Variants in BSG observed in about 807,000 individuals in gnomAD.
The protein encoded by BSG is basigin (Ok blood group), also known as basigin.
In BSG, 37 loss-of-function variants were observed where a neutral mutation model predicts 43.1. The observed-to-expected ratio is 0.86, with a 90% CI of 0.66 to 1.13. BSG has a LOEUF of 1.13. Ranked by LOEUF, BSG falls within the 50% of genes most tolerant of loss-of-function variation. The probability of loss-of-function intolerance (pLI) is 0.00; values close to 1 mark genes in which losing one functional copy is unlikely to be tolerated. For missense variants in BSG, 599 were observed against 554.2 expected, an observed-to-expected ratio of 1.08 and a Z score of -0.81; for synonymous variants, 309 against 238.7, an observed-to-expected ratio of 1.29 and a Z score of -2.72.
chr19:571,731 T>A (rs1981254980), upstream of BSG: 1 of 683,120 alleles, frequency 1.5e-6, no homozygotes, highest in African/African-American at 1.8e-5. Flanking sequence ...TGGGATGCAA[T>A]CTCCAGAGCA....
rs1445031900 is a variant in BSG, at chr19:580,461, G to A, written c.655G>A (p.Gly219Arg). Residue 219 changes from glycine to arginine, a missense_variant and splice_region_variant, in exon 4 of 9, where the codon GGG (glycine) becomes AGG (arginine). Gly to Arg is a moderately radical substitution (Grantham distance 125, BLOSUM62 -2). Coordinates refer to ENST00000333511, the MANE Select transcript of BSG (RefSeq NM_001728.4). ...GGGCACGGCCAACATCCAGCTCCAC[G>A]GTGAGTCCTGCAGCCAGGGGTACCG... ...PMGTANIQLHGPPRVKAVKSS... is the reference protein window; with the variant it reads ...PMGTANIQLHRPPRVKAVKSS... 21 of 1,610,210 alleles carry A rather than the reference G, an allele frequency of 1.3e-5. No individual in the cohort carries two copies. Among genetic ancestry groups the A allele is most frequent in the Admixed American group, 8.3e-5 (5 of 59,982 alleles).
chr19:581,404 C>A lies in BSG; in HGVS notation c.882C>A (p.Ala294=). The A allele has an allele frequency of 6.2e-7, 1 of 1,612,796 alleles. No homozygotes were observed. Among genetic ancestry groups the A allele is most frequent in the South Asian group, 1.1e-5 (1 of 91,088 alleles). ...ACATTGAGAACCTGAACATGGAGGC[C>A]GACCCCGGCCAGTACCGGTGCAACG... ...ELHIENLNME[A]DPGQYRCNGT... is the part of the protein sequence containing the mutation. The change falls in exon 6 of 9, where the codon GCC becomes GCA. Residue 294 remains alanine (A), a synonymous_variant. Coordinates refer to ENST00000333511, the MANE Select transcript of BSG (RefSeq NM_001728.4).
Position 580,746 on chromosome 19 carries a change from C to CA in BSG, c.756_757insA (p.Trp253MetfsTer8), listed in dbSNP as rs1982222966. On this transcript the variant is annotated frameshift_variant, in exon 5 of 9. Coordinates refer to ENST00000333511, the MANE Select transcript of BSG (RefSeq NM_001728.4). LOFTEE classifies it high-confidence loss of function. ...CAGAGTCCGTGCCACCTGTCACTGA[C>CA]TGGGCCTGGTACAAGATCACTGACT... is the stretch of plus-strand genomic sequence containing the variant. The CA allele has an allele frequency of 6.2e-7, 1 of 1,612,476 alleles. No individual in the cohort carries two copies. The highest frequency in any genetic ancestry group is 1.7e-5 in the Admixed American group (1 of 59,978).
chr19:578,199 G>A (rs2145895099), intron 2 of BSG, 78 bp downstream of exon 2: 8 of 1,343,986 alleles, frequency 6.0e-6, no homozygotes, highest in Non-Finnish European at 6.9e-6. Flanking sequence ...CTGCTCAGTA[G>A]AACCCAGACG....
intron 4 of BSG, 51 bp downstream of exon 4, chr19:580,512 T>G: frequency 1.9e-6 from 3 of 1,606,542 alleles, no homozygotes; most frequent in Non-Finnish European, 2.5e-6. Flanking sequence ...CGGGAGAAGT[T>G]GTTGGCCTGA....
intron 1 of BSG, among the ~76,000 whole-genome samples, chr19:574,671 T>G (rs916557198): frequency 3.3e-5 from 5 of 152,220 alleles, no homozygotes; most frequent in African/African-American, 1.2e-4. Context: ...TCCTGGGCAT[T>G]GAGCCGTAGG....
intron 1 of BSG, among the ~76,000 whole-genome samples, chr19:573,195 CAG>C (rs1327400544): frequency 6.6e-6 from 1 of 152,170 alleles, no homozygotes; most frequent in East Asian, 1.9e-4. Flanking sequence ...AGCCAGGGGT[CAG>C]GGGCTGGTTG....
At position 581,413 on chromosome 19, in the gene BSG, C is replaced by T; in HGVS notation, c.891C>T (p.Gly297=). The stretch of plus-strand genomic sequence containing the variant: ...ACCTGAACATGGAGGCCGACCCCGG[C>T]CAGTACCGGTGCAACGGCACCAGCT... ...IENLNMEADP[G]QYRCNGTSSK... Residue 297 remains glycine (G), a synonymous_variant, in exon 6 of 9, where the codon GGC becomes GGT. Coordinates refer to ENST00000333511, the MANE Select transcript of BSG (RefSeq NM_001728.4). 1 of 1,612,790 alleles carries T rather than the reference C, an allele frequency of 6.2e-7. No homozygotes were observed. The highest frequency in any genetic ancestry group is 8.5e-7 in the Non-Finnish European group (1 of 1,179,934).
Position 580,381 on chromosome 19 carries a change from T to A in BSG, c.575T>A (p.Val192Glu). ...TCACCTGCCTGCTGTGGTTGCAGGG[T>A]GGACTCCGACGACCAGTGGGGAGAG... ...ALPGQKTEFK[V>E]DSDDQWGEYS... is the part of the protein sequence containing the mutation. The change falls in exon 4 of 9, where the codon GTG (valine) becomes GAG (glutamate). Residue 192 changes from valine to glutamate, a missense_variant and splice_region_variant. Transcript: ENST00000333511. The A allele has an allele frequency of 6.2e-7, 1 of 1,610,614 alleles. No homozygotes were observed. Among genetic ancestry groups the A allele is most frequent in the Non-Finnish European group, 8.5e-7 (1 of 1,179,796 alleles).
rs751279949 is a variant in BSG at position 579,665 on chromosome 19, C to T, written c.572+9C>T. Reference sequence around the variant, plus strand: ...CAGAAAACGGAGTTCAAGTGAGTGCCTGACCACGCCATGCCGCCACCTGCC... The same window carrying T: ...CAGAAAACGGAGTTCAAGTGAGTGCTTGACCACGCCATGCCGCCACCTGCC... On this transcript the variant is annotated intron_variant, in intron 3 of 8. Coordinates refer to ENST00000333511, the MANE Select transcript of BSG (RefSeq NM_001728.4). 6 of 1,597,258 alleles carry T rather than the reference C, an allele frequency of 3.8e-6. No homozygotes were observed. Among genetic ancestry groups the T allele is most frequent in the Non-Finnish European group, 5.1e-6 (6 of 1,171,244 alleles).
At chr19:571,893 G>A (rs906696988), upstream of BSG, 8 of 420,252 alleles carry the variant, frequency 1.9e-5, no homozygotes, top group Non-Finnish European at 3.0e-5. Flanking sequence ...GAAGAAGGGG[G>A]TAAGGTTGAT....
chr19:574,547 C>T (rs140499328), intron 1 of BSG, among the ~76,000 whole-genome samples: 20,772 of 151,036 alleles, frequency 0.14, 1,645 homozygotes, highest in South Asian at 0.26. Context: ...AGCGAGACCC[C>T]GTCTCAAAAA....
rs576495399 is a variant in BSG, at chr19:582,329, C to T, written c.1093C>T (p.Leu365=). The T allele has an allele frequency of 1.4e-5, 23 of 1,598,214 alleles. No individual in the cohort carries two copies. The highest frequency in any genetic ancestry group is 1.8e-5 in the Admixed American group (1 of 54,224). The change falls in exon 7 of 9, where the codon CTG becomes TTG. Residue 365 remains leucine (L), a splice_region_variant and synonymous_variant. Coordinates refer to ENST00000333511, the MANE Select transcript of BSG (RefSeq NM_001728.4). ...AGATGACGACGCCGGCTCTGCACCCCTGTAAGTTCCAGCTGTGGGGGTCGG... is the reference window on the plus strand; with the variant it reads ...AGATGACGACGCCGGCTCTGCACCCTTGTAAGTTCCAGCTGTGGGGGTCGG... The part of the protein sequence containing the change: ...LDDDDAGSAP[L]KSSGQHQNDK...
At chr19:575,674 G>A (rs28921972) in intron 1 of BSG, among the ~76,000 whole-genome samples, 40 of 151,188 alleles carry the variant, frequency 2.6e-4, no homozygotes, top group African/African-American at 9.3e-4. Context: ...CAAGTACCAC[G>A]CGGCCTGCCT....
rs138409636 is a variant in BSG, at chr19:580,648, C to T, written c.658C>T (p.Pro220Ser). ...CCTCTCTCTCACCCTCCTGTCAGGG[C>T]CTCCCAGAGTGAAGGCTGTGAAGTC... ...MGTANIQLHG[P>S]PRVKAVKSSE... is the part of the protein sequence containing the mutation. The change falls in exon 5 of 9, where the codon CCT becomes TCT. Residue 220 changes from proline to serine, a missense_variant and splice_region_variant. Coordinates refer to ENST00000333511, the MANE Select transcript of BSG (RefSeq NM_001728.4). 7 of 1,612,782 alleles carry T rather than the reference C, an allele frequency of 4.3e-6. No individual in the cohort carries two copies. Among genetic ancestry groups the T allele is most frequent in the African/African-American group, 1.3e-5 (1 of 75,048 alleles).
At chr19:581,616 C>A (rs368444878) in intron 6 of BSG, 25 bp downstream of exon 6, 89 of 1,560,918 alleles carry the variant, frequency 5.7e-5, no homozygotes, top group Non-Finnish European at 6.8e-5. Context: ...CTCCTGCCCA[C>A]ATGCCCTGCT....
Position 582,732 on chromosome 19 carries a change from G to A in BSG, c.*6-18G>A, listed in dbSNP as rs1049669471. 1.8e-5 allele frequency: 15 copies of A among 820,858 alleles called. No homozygotes were observed. The highest frequency in any genetic ancestry group is 3.4e-5 in the South Asian group (2 of 58,254). 50.8% of individuals were successfully genotyped at this position (820,858 alleles called of 1,614,324 possible). A position where few individuals can be genotyped will look rare whatever the true frequency, so the allele number is the denominator to read the frequency against. On this transcript the variant is annotated intron_variant, in intron 8 of 8. Transcript: ENST00000333511. ...GCTGGGAGGTGGGTCCAGTCTGAGC[G>A]CCCCTCCCTGTCCACAGGTGGCCCG...
In BSG at chr19:572,652, C is replaced by T; in HGVS notation, c.18C>T (p.Phe6=). 6.6e-7 allele frequency: 1 copy of T among 1,505,534 alleles called. No homozygotes were observed. Among genetic ancestry groups the T allele is most frequent in the Admixed American group, 2.2e-5 (1 of 45,794 alleles). The allele number at this position is 1,505,534 out of a possible 1,614,324, so 93.3% of individuals were successfully genotyped here. A position where few individuals can be genotyped will look rare whatever the true frequency, so the allele number is the denominator to read the frequency against. The change falls in exon 1 of 9, where the codon TTC becomes TTT. Residue 6 remains phenylalanine (F), a synonymous_variant. Coordinates refer to ENST00000333511, the MANE Select transcript of BSG (RefSeq NM_001728.4). ...TAGGAATCATGGCGGCTGCGCTGTT[C>T]GTGCTGCTGGGATTCGCGCTGCTGG... MAAAL[F]VLLGFALLGT...
rs1253270896 is a variant in BSG, at chr19:582,509, C to T, written c.1095-5C>T. The stretch of plus-strand genomic sequence containing the variant: ...CACCCTCTCACCCGGCCCCTCGTGC[C>T]CCAGGAAGAGCAGCGGGCAGCACCA... On this transcript the variant is annotated splice_polypyrimidine_tract_variant and splice_region_variant and intron_variant, in intron 7 of 8. Coordinates refer to ENST00000333511, the MANE Select transcript of BSG (RefSeq NM_001728.4). The T allele has an allele frequency of 1.2e-6, 2 of 1,607,830 alleles. No homozygotes were observed. The highest frequency in any genetic ancestry group is 4.5e-5 in the East Asian group (2 of 44,654).
Sources: gnomAD v4.1 joint callset for allele counts (sites outside exome capture counted in the v4.1 genomes callset) on GRCh38, gnomAD v4.1.1 for gene constraint, MANE v1.5 for transcripts, NCBI Gene and HGNC (gene_info 2026-07-23, HGNC 2026-07-21) for gene names.